Variants in MYOF observed in about 807,000 individuals in gnomAD.
MYOF encodes fer-1-like 3, myoferlin.
MYOF carries 244 observed loss-of-function variants against 284.2 expected under a neutral mutation model. That is an observed-to-expected ratio of 0.86 (90% CI 0.77 to 0.95). The LOEUF (loss-of-function observed/expected upper bound fraction) is 0.95, where lower values mean the gene tolerates loss of function less well. Among genes scored for constraint, MYOF ranks in the 40% least tolerant of loss-of-function variants. The pLI, the probability that MYOF is intolerant of heterozygous loss-of-function variation, is 0.00. For missense variants in MYOF, 2,496 were observed against 2,560.6 expected, an observed-to-expected ratio of 0.97 and a Z score of 0.54; for synonymous variants, 904 against 919.7, an observed-to-expected ratio of 0.98 and a Z score of 0.31.
At chr10:93,463,378 G>C (rs916455826) in intron 1 of MYOF, among the ~76,000 whole-genome samples, 6 of 145,800 alleles carry the variant, frequency 4.1e-5, no homozygotes, top group Non-Finnish European at 9.0e-5. Context: ...AACATAGTGA[G>C]ACTTCGTCTC....
chr10:93,369,884 C>A, intron 24 of MYOF, 108 bp from the exon 25 acceptor site: 1 of 1,377,284 alleles, frequency 7.3e-7, no homozygotes, highest in Non-Finnish European at 9.9e-7. Context: ...TTTCACCAGT[C>A]TAATTTTATG....
At chr10:93,438,099 C>A (rs2056120719) in intron 3 of MYOF, among the ~76,000 whole-genome samples, 1 of 152,088 alleles carries the variant, frequency 6.6e-6, no homozygotes, top group Admixed American at 6.5e-5. Context: ...CTCTGCCATC[C>A]CCCACGTGAT....
In MYOF at chr10:93,456,941, C is replaced by T. The variant is rs906325301; in HGVS notation, c.89-4G>A. 3.1e-6 allele frequency: 5 copies of T among 1,599,216 alleles called. No individual in the cohort carries two copies. Among genetic ancestry groups the T allele is most frequent in the Non-Finnish European group, 4.3e-6 (5 of 1,173,116 alleles). ...TTCTTTGTTTTCTTTTTCTCATCTG[C>T]AAAAGAGATAAAGGAAGAGACAGCA... On this transcript the variant is annotated splice_region_variant and splice_polypyrimidine_tract_variant and intron_variant, in intron 1 of 53. Coordinates refer to ENST00000359263, the MANE Select transcript of MYOF (RefSeq NM_013451.4).
At chr10:93,340,833 G>T (rs945453661) in intron 38 of MYOF, among the ~76,000 whole-genome samples, 2 of 152,124 alleles carry the variant, frequency 1.3e-5, no homozygotes, top group African/African-American at 4.8e-5. Context: ...AACTGGGAAG[G>T]GGGGCTTGAA....
chr10:93,393,289 T>G (rs1846792176), intron 16 of MYOF, among the ~76,000 whole-genome samples: 2 of 152,342 alleles, frequency 1.3e-5, no homozygotes, highest in South Asian at 4.1e-4. Context: ...TTTACTTATC[T>G]TACGGCTTAG....
chr10:93,365,428 TA>T (rs1171003258), intron 26 of MYOF, among the ~76,000 whole-genome samples: 2 of 152,328 alleles, frequency 1.3e-5, no homozygotes, highest in East Asian at 3.9e-4. Flanking sequence ...TCTTTCTTTT[TA>T]ATAACAGCTT....
chr10:93,337,261 G>T (rs1043187920), intron 40 of MYOF, among the ~76,000 whole-genome samples: 7 of 150,978 alleles, frequency 4.6e-5, no homozygotes, highest in African/African-American at 1.7e-4. Context: ...GGACACTACA[G>T]GCTGAAAATT....
At chr10:93,389,542 CTTTA>C (rs1846570921) in intron 17 of MYOF, among the ~76,000 whole-genome samples, 1 of 152,100 alleles carries the variant, frequency 6.6e-6, no homozygotes, top group Non-Finnish European at 1.5e-5. Context: ...ATTTTATGAA[CTTTA>C]TTTGTTCTTC....
chr10:93,408,651 T>C (rs1302426401), intron 7 of MYOF, 136 bp downstream of exon 7: 7 of 1,198,848 alleles, frequency 5.8e-6, no homozygotes, highest in Non-Finnish European at 7.0e-6. Context: ...CTGCCATGCG[T>C]TCACATGGTC....
intron 1 of MYOF, among the ~76,000 whole-genome samples, chr10:93,460,847 G>A (rs1399091258): frequency 1.3e-5 from 2 of 151,394 alleles, no homozygotes; most frequent in Non-Finnish European, 2.9e-5. Flanking sequence ...TGTAATCCCA[G>A]CACTGTGGGA....
intron 3 of MYOF, among the ~76,000 whole-genome samples, chr10:93,445,897 A>G (rs1466934459): frequency 1.3e-5 from 2 of 152,220 alleles, no homozygotes; most frequent in East Asian, 3.9e-4. Context: ...TCCCACACTG[A>G]GCAGTAAGCA....
At chr10:93,463,809 C>T (rs1284266224) in intron 1 of MYOF, among the ~76,000 whole-genome samples, 1 of 145,336 alleles carries the variant, frequency 6.9e-6, no homozygotes, top group Non-Finnish European at 1.5e-5. Context: ...GAGGTCAAGG[C>T]TGCAGTGGCC....
chr10:93,480,556 A>T (rs1383476532), intron 1 of MYOF, among the ~76,000 whole-genome samples: 2 of 133,200 alleles, frequency 1.5e-5, no homozygotes, highest in East Asian at 4.5e-4. Context: ...GCTCACTGCA[A>T]CCTCCTCCTC....
chr10:93,355,188 A>G lies in MYOF; in HGVS notation c.3403+440T>C, dbSNP rs182800352. On this transcript the variant is annotated intron_variant, in intron 31 of 53. Transcript: ENST00000359263. ...GTTTTAAAAACTCCTTTCATCAAGG[A>G]TGAAAATGAAAGTCACGTTTGCATG... 2.5e-3 allele frequency among the ~76,000 whole-genome samples: 374 copies of G among 152,354 alleles called. 2 individuals are homozygous for G. Among genetic ancestry groups the G allele is most frequent in the Non-Finnish European group, 4.6e-3 (314 of 68,034 alleles).
chr10:93,322,116 G>A (rs1013608890), intron 48 of MYOF, among the ~76,000 whole-genome samples: 1 of 152,150 alleles, frequency 6.6e-6, no homozygotes, highest in Non-Finnish European at 1.5e-5. Context: ...TGAAGAACTT[G>A]ATGAAACATT....
intron 1 of MYOF, among the ~76,000 whole-genome samples, chr10:93,481,345 G>T (rs7900679): frequency 0.78 from 118,085 of 152,050 alleles, 46,312 homozygotes; most frequent in South Asian, 0.85. Context: ...TCAGGGTTGA[G>T]GAGCCACTGT....
Position 93,392,732 on chromosome 10 carries a change from A to G in MYOF, c.1456+185T>C, listed in dbSNP as rs1201188634. Among the ~76,000 whole-genome samples, 4 of 152,238 alleles carry G rather than the reference A, an allele frequency of 2.6e-5. No individual in the cohort carries two copies. In the East Asian group the frequency reaches 7.7e-4, roughly 29 times the overall value. On this transcript the variant is annotated intron_variant, in intron 17 of 53. Coordinates refer to ENST00000359263, the MANE Select transcript of MYOF (RefSeq NM_013451.4). Reference sequence around the variant, plus strand: ...GGACATGGAGCAAAGCCTGGTTAGCATATTTCTTTTAAGCTTAGCCGTGCA... The same window carrying G: ...GGACATGGAGCAAAGCCTGGTTAGCGTATTTCTTTTAAGCTTAGCCGTGCA...
intron 29 of MYOF, 108 bp downstream of exon 29, chr10:93,359,725 A>G: frequency 1.4e-6 from 2 of 1,443,956 alleles, no homozygotes; most frequent in Admixed American, 3.7e-5. Context: ...GTGGAGTGTT[A>G]GGCTCTGGAT....
chr10:93,401,637 C>A, intron 11 of MYOF, 93 bp from the exon 12 acceptor site: 3 of 1,491,290 alleles, frequency 2.0e-6, no homozygotes, highest in South Asian at 1.3e-5. Flanking sequence ...CATTCAGAAT[C>A]GTTTCCATTA....
Sources: gnomAD v4.1 joint callset for allele counts (sites outside exome capture counted in the v4.1 genomes callset) on GRCh38, gnomAD v4.1.1 for gene constraint, MANE v1.5 for transcripts, NCBI Gene and HGNC (gene_info 2026-07-23, HGNC 2026-07-21) for gene names.